The following ZNF521 variants were observed in gnomAD, a reference collection of about 807,000 sequenced individuals.
ZNF521 encodes the protein zinc finger protein 521.
Under a neutral mutation model 105.5 loss-of-function variants are expected in ZNF521, and 14 were observed. The ratio of observed to expected loss-of-function variants is 0.13; its 90% CI spans 0.09 to 0.21. ZNF521 has a LOEUF of 0.21. ZNF521 is among the 10% of genes least tolerant of loss of function. ZNF521 has a pLI of 1.00. For missense variants in ZNF521, 1,233 were observed against 1,629.7 expected, an observed-to-expected ratio of 0.76 and a Z score of 4.19; for synonymous variants, 635 against 606.0, an observed-to-expected ratio of 1.05 and a Z score of -0.70.
At chr18:25,156,505 T>C (rs2035147841) in intron 5 of ZNF521, among the ~76,000 whole-genome samples, 1 of 152,228 alleles carries the variant, frequency 6.6e-6, no homozygotes, top group South Asian at 2.1e-4. Context: ...TTCAATACAC[T>C]TTAAAAAGTC....
intron 3 of ZNF521, among the ~76,000 whole-genome samples, chr18:25,320,557 T>C: frequency 6.6e-6 from 1 of 150,456 alleles, no homozygotes; most frequent in Non-Finnish European, 1.5e-5. Flanking sequence ...AGGATATATG[T>C]ATAGAGGTGT....
intron 3 of ZNF521, among the ~76,000 whole-genome samples, chr18:25,309,005 C>T (rs76466704): frequency 0.012 from 1,785 of 152,218 alleles, 34 homozygotes; most frequent in African/African-American, 0.041. Context: ...AGCTGTCAGG[C>T]ACCAACTTAA....
chr18:25,322,181 T>C lies in ZNF521; in HGVS notation c.47A>G (p.Asn16Ser), dbSNP rs746736983. 7.4e-6 allele frequency: 12 copies of C among 1,614,162 alleles called. No homozygotes were observed. The highest frequency in any genetic ancestry group is 4.5e-5 in the East Asian group (2 of 44,878). Residue 16 changes from asparagine to serine, a missense_variant, in exon 3 of 8, where the codon AAC (asparagine) becomes AGC (serine). Coordinates refer to ENST00000361524, the MANE Select transcript of ZNF521 (RefSeq NM_015461.3). ...QAKPRSLKDP[N>S]CKLEDKTEDG... ...TTCAGTCTTGTCTTCAAGTTTACAG[T>C]TGGGGTCTGAAAAATATCAACACTG...
chr18:25,176,092 T>C (rs1172437656), intron 5 of ZNF521, among the ~76,000 whole-genome samples: 1 of 152,238 alleles, frequency 6.6e-6, no homozygotes, highest in Non-Finnish European at 1.5e-5. Context: ...AAAATGAGTA[T>C]GCAGCTTTCC....
At chr18:25,323,096 C>G (rs969460960) in intron 2 of ZNF521, among the ~76,000 whole-genome samples, 1 of 151,256 alleles carries the variant, frequency 6.6e-6, no homozygotes, top group Non-Finnish European at 1.5e-5. Context: ...AAGAAAGGAA[C>G]TGTGTGGGGA....
chr18:25,122,820 A>C (rs2034468013), intron 5 of ZNF521, among the ~76,000 whole-genome samples: 1 of 152,114 alleles, frequency 6.6e-6, no homozygotes, highest in Non-Finnish European at 1.5e-5. Context: ...GAAACTGACA[A>C]GTTTTAGATC....
intron 3 of ZNF521, among the ~76,000 whole-genome samples, chr18:25,283,919 CTT>C (rs45533836): frequency 7.1e-6 from 1 of 140,338 alleles, no homozygotes; most frequent in African/African-American, 2.7e-5. Flanking sequence ...CAAGCCAATA[CTT>C]TCCCCCCCCC....
At chr18:25,202,621 C>T (rs1254376617) in intron 4 of ZNF521, 1 of 152,192 alleles carries the variant, frequency 6.6e-6, no homozygotes, top group Non-Finnish European at 1.5e-5. Flanking sequence ...TAGCAATATA[C>T]ATTACCATCC....
chr18:25,328,366 C>T (rs80287313), intron 2 of ZNF521, among the ~76,000 whole-genome samples: 27,967 of 150,188 alleles, frequency 0.19, 2,947 homozygotes, highest in South Asian at 0.34. Context: ...TGAAGGAGGA[C>T]GCTGAATGGG....
chr18:25,101,967 G>A (rs2033973235), intron 5 of ZNF521, among the ~76,000 whole-genome samples: 1 of 152,092 alleles, frequency 6.6e-6, no homozygotes, highest in South Asian at 2.1e-4. Context: ...CAACTATAAG[G>A]TGTCAAAATA....
intron 6 of ZNF521, among the ~76,000 whole-genome samples, chr18:25,090,435 TG>T (rs2033718722): frequency 6.6e-6 from 1 of 152,228 alleles, no homozygotes; most frequent in Non-Finnish European, 1.5e-5. Context: ...ATATTGTTCT[TG>T]TGAGTCATAC....
intron 3 of ZNF521, among the ~76,000 whole-genome samples, chr18:25,321,516 T>A (rs573275474): frequency 6.6e-6 from 1 of 152,158 alleles, no homozygotes; most frequent in South Asian, 2.1e-4. Flanking sequence ...ACGAGTGAGA[T>A]GGAAAAATGA....
At position 25,226,056 on chromosome 18, in the gene ZNF521, T is replaced by C; in HGVS notation, c.1862A>G (p.Gln621Arg). 1.2e-6 allele frequency: 2 copies of C among 1,614,232 alleles called. No individual in the cohort carries two copies. The highest frequency in any genetic ancestry group is 1.7e-6 in the Non-Finnish European group (2 of 1,180,032). Residue 621 changes from glutamine to arginine, a missense_variant, in exon 4 of 8, where the codon CAG (glutamine) becomes CGG (arginine). Coordinates refer to ENST00000361524, the MANE Select transcript of ZNF521 (RefSeq NM_015461.3). This position sits in a 1 kb window ranked among gnomAD's most constrained non-coding sequence, Gnocchi z 4.1. ...ACGTGCAGGTGCACCTCCTACTGCCTGCATCATCTTAAGAGATGTCTGCTC... is the reference window on the plus strand; with the variant it reads ...ACGTGCAGGTGCACCTCCTACTGCCCGCATCATCTTAAGAGATGTCTGCTC... ...AIEQTSLKMM[Q>R]AVGGAPARPT...
At chr18:25,091,245 A>G (rs2033737952) in intron 6 of ZNF521, among the ~76,000 whole-genome samples, 1 of 152,214 alleles carries the variant, frequency 6.6e-6, no homozygotes, top group African/African-American at 2.4e-5. Flanking sequence ...GATTTTCCAA[A>G]ATAACTTTGT....
intron 4 of ZNF521, among the ~76,000 whole-genome samples, chr18:25,195,860 A>G (rs1487984891): frequency 6.6e-6 from 1 of 151,840 alleles, no homozygotes; most frequent in Non-Finnish European, 1.5e-5. Context: ...ATCATTTTAC[A>G]CAACAGCCCT....
In ZNF521 at chr18:25,226,556, T is replaced by C. The variant is rs761421041; in HGVS notation, c.1362A>G (p.Glu454=). The C allele has an allele frequency of 2.5e-6, 4 of 1,613,956 alleles. No homozygotes were observed. Among genetic ancestry groups the C allele is most frequent in the Non-Finnish European group, 3.4e-6 (4 of 1,180,018 alleles). ...GAGCTTCATGCACTTGCTTAAGATG[T>C]TCATTTAGGTTATAGAGTGAGGGCA... ...EVLPSLYNLN[E]HLKQVHEAQD... is the part of the protein sequence containing the mutation. The change falls in exon 4 of 8, where the codon GAA becomes GAG. Residue 454 remains glutamate, a synonymous_variant. Transcript: ENST00000361524. This position sits in a 1 kb window ranked among gnomAD's most constrained non-coding sequence, Gnocchi z 4.1.
intron 5 of ZNF521, among the ~76,000 whole-genome samples, chr18:25,108,192 T>A (rs1416966433): frequency 6.6e-6 from 1 of 152,244 alleles, no homozygotes; most frequent in Non-Finnish European, 1.5e-5. Context: ...ACATGGCAAG[T>A]ATCTCATCCA....
At chr18:25,305,687 T>G (rs1435988510) in intron 3 of ZNF521, among the ~76,000 whole-genome samples, 2 of 152,208 alleles carry the variant, frequency 1.3e-5, no homozygotes, top group African/African-American at 4.8e-5. Context: ...TAATTCTTTT[T>G]GAATTTTAGA....
chr18:25,078,118 G>A (rs773522984), intron 7 of ZNF521, among the ~76,000 whole-genome samples: 6 of 152,162 alleles, frequency 3.9e-5, no homozygotes, highest in Admixed American at 6.5e-5. Context: ...TGGAGGCCTA[G>A]GGGAAGAGGC....
Sources: gnomAD v4.1 joint callset for allele counts (sites outside exome capture counted in the v4.1 genomes callset) on GRCh38, gnomAD v4.1.1 for gene constraint, Gnocchi (gnomAD v3.1) non-coding constraint, MANE v1.5 for transcripts, NCBI Gene and HGNC (gene_info 2026-07-23, HGNC 2026-07-21) for gene names.